SLC6A19: variants seen among roughly 807,000 people sequenced by gnomAD.
SLC6A19 encodes solute carrier family 6 member 19.
SLC6A19 carries 67 observed loss-of-function variants against 68.3 expected under a neutral mutation model. That is an observed-to-expected ratio of 0.98 (90% CI 0.81 to 1.20). The LOEUF (loss-of-function observed/expected upper bound fraction) is 1.20, where lower values mean the gene tolerates loss of function less well. SLC6A19 is among the 50% of genes most tolerant of loss of function. SLC6A19 has a pLI of 0.00. For missense variants in SLC6A19, 813 were observed against 851.6 expected (o/e 0.95, Z 0.56); for synonymous variants, 392 against 374.9 (o/e 1.05, Z -0.53).
Position 1,205,381 on chromosome 5 carries a change from C to T in SLC6A19, c.203-3365C>T, listed in dbSNP as rs112311574. On this transcript the variant is annotated intron_variant, in intron 1 of 11. Coordinates refer to ENST00000304460, the MANE Select transcript of SLC6A19 (RefSeq NM_001003841.3). ...GGACAGCCTCCTTCATTGGGAGCAA[C>T]GGAGGGCCTGGCTGCCTCCGGGCTG... 5.5e-3 allele frequency among the ~76,000 whole-genome samples: 840 copies of T among 152,358 alleles called. 14 individuals are homozygous for T. Among genetic ancestry groups the T allele is most frequent in the African/African-American group, 0.019 (791 of 41,570 alleles).
rs1746457084 is a variant in SLC6A19, at chr5:1,223,560, ACGGACAGG to A, written c.*1657_*1664del. 1.5e-5 allele frequency: 2 copies of A among 137,020 alleles called. No individual in the cohort carries two copies. Among genetic ancestry groups the A allele is most frequent in the African/African-American group, 2.5e-5 (1 of 40,212 alleles). 8.5% of individuals were successfully genotyped at this position (137,020 alleles called of 1,614,324 possible). On this transcript the variant is annotated 3_prime_UTR_variant, in exon 12 of 12. Coordinates refer to ENST00000304460, the MANE Select transcript of SLC6A19 (RefSeq NM_001003841.3). ...GTCGGCACTTGGGACATCTGCTTCC[ACGGACAGG>A]TCACCTCCGCTTTGCACGGAAGAAT...
chr5:1,218,059 C>G (rs924941167), intron 8 of SLC6A19, among the ~76,000 whole-genome samples: 5 of 152,248 alleles, frequency 3.3e-5, no homozygotes, highest in African/African-American at 1.2e-4. Context: ...CTCCTCCCAC[C>G]TCCTGCCCTG....
At chr5:1,221,432 C>G in intron 11 of SLC6A19, 119 bp downstream of exon 11, 1 of 1,278,588 alleles carries the variant, frequency 7.8e-7, no homozygotes, top group Non-Finnish European at 1.1e-6. Flanking sequence ...CATGGGCACA[C>G]ACACTCACAC....
At position 1,205,487 on chromosome 5, in the gene SLC6A19, G is replaced by T. The variant is rs10057356; in HGVS notation, c.203-3259G>T. Among the ~76,000 whole-genome samples, 367 of 152,316 alleles carry T rather than the reference G, an allele frequency of 2.4e-3. 3 individuals carry two copies. Among genetic ancestry groups the T allele is most frequent in the African/African-American group, 8.4e-3 (349 of 41,572 alleles). On this transcript the variant is annotated intron_variant, in intron 1 of 11. Coordinates refer to ENST00000304460, the MANE Select transcript of SLC6A19 (RefSeq NM_001003841.3). ...TCCATGCTGAGCCTGAGCCCCAGGG[G>T]TTGGGGATTTGAGGGTCTCCTGCCC...
intron 1 of SLC6A19, among the ~76,000 whole-genome samples, chr5:1,204,222 G>A (rs1046298858): frequency 5.9e-5 from 9 of 152,190 alleles, no homozygotes; most frequent in Non-Finnish European, 1.3e-4. Context: ...CCATTTACGC[G>A]TGCCTCCGAG....
intron 1 of SLC6A19, among the ~76,000 whole-genome samples, chr5:1,204,277 C>A (rs893988907): frequency 6.6e-6 from 1 of 152,176 alleles, no homozygotes; most frequent in East Asian, 1.9e-4. Context: ...AGAGCCTGTG[C>A]CAGGTGGGCA....
chr5:1,220,762 G>A (rs568231320), intron 10 of SLC6A19, among the ~76,000 whole-genome samples: 99 of 152,334 alleles, frequency 6.5e-4, no homozygotes, highest in Non-Finnish European at 1.2e-3. Context: ...GAATTGAGCC[G>A]TAGGGTGGGG....
chr5:1,211,483 G>T (rs1446720418), intron 3 of SLC6A19, among the ~76,000 whole-genome samples: 1 of 152,232 alleles, frequency 6.6e-6, no homozygotes, highest in African/African-American at 2.4e-5. Context: ...TGAGGCCCAG[G>T]GTGCACCTGA....
intron 1 of SLC6A19, among the ~76,000 whole-genome samples, chr5:1,204,725 G>C (rs12515126): frequency 3.9e-5 from 6 of 152,034 alleles, no homozygotes; most frequent in African/African-American, 1.4e-4. Flanking sequence ...GCGAGGTGGC[G>C]TGCGGGAGCC....
intron 9 of SLC6A19, 107 bp from the exon 10 acceptor site, chr5:1,219,398 G>A: frequency 2.0e-6 from 3 of 1,504,152 alleles, no homozygotes; most frequent in Non-Finnish European, 1.8e-6. Context: ...TGTGTGAACA[G>A]CTCTGTCCCT....
At position 1,213,019 on chromosome 5, in the gene SLC6A19, G is replaced by A. The variant is rs557032047; in HGVS notation, c.664-444G>A. On this transcript the variant is annotated intron_variant, in intron 4 of 11. Coordinates refer to ENST00000304460, the MANE Select transcript of SLC6A19 (RefSeq NM_001003841.3). ...AAATACCCAGGCTCCCGCAGGCCCT[G>A]CCCCCCATCCCCACCCATTCCACAT... Among the ~76,000 whole-genome samples, 330 of 92,448 alleles carry A rather than the reference G, an allele frequency of 3.6e-3. 2 individuals are homozygous for A. Among genetic ancestry groups the A allele is most frequent in the African/African-American group, 0.014 (307 of 21,974 alleles). 60.6% of individuals were successfully genotyped at this position (92,448 alleles called of 152,430 possible).
rs1477931985 is a variant in SLC6A19 at position 1,223,705 on chromosome 5, C to T, written c.*1801C>T. On this transcript the variant is annotated 3_prime_UTR_variant, in exon 12 of 12. Coordinates refer to ENST00000304460, the MANE Select transcript of SLC6A19 (RefSeq NM_001003841.3). ...TAAACTGGTGTTCTGAGAGTTCCTA[C>T]GGACAGGTCACCTCTGCTTTCCATA... The T allele has an allele frequency of 2.7e-5, 4 of 145,854 alleles. No individual in the cohort carries two copies. The highest frequency in any genetic ancestry group is 4.4e-5 in the Non-Finnish European group (3 of 68,018). 9.0% of individuals were successfully genotyped at this position (145,854 alleles called of 1,614,324 possible).
intron 11 of SLC6A19, 55 bp from the exon 12 acceptor site, chr5:1,221,646 A>C: frequency 1.2e-6 from 2 of 1,607,344 alleles, no homozygotes; most frequent in Admixed American, 3.3e-5. Flanking sequence ...TTTGCCTCAA[A>C]GTGAACCCCA....
Position 1,222,126 on chromosome 5 carries a change from T to C in SLC6A19, c.*222T>C. On this transcript the variant is annotated 3_prime_UTR_variant, in exon 12 of 12. Coordinates refer to ENST00000304460, the MANE Select transcript of SLC6A19 (RefSeq NM_001003841.3). ...GTGAGTGTGCACGTGTATGCACACATATACATGTGTGTGGGTGTGTGTATT... is the reference window on the plus strand; with the variant it reads ...GTGAGTGTGCACGTGTATGCACACACATACATGTGTGTGGGTGTGTGTATT... The C allele has an allele frequency of 1.6e-6, 1 of 609,584 alleles. No homozygotes were observed. Among genetic ancestry groups the C allele is most frequent in the Non-Finnish European group, 2.9e-6 (1 of 343,544 alleles). 37.8% of individuals were successfully genotyped at this position (609,584 alleles called of 1,614,324 possible). A position where few individuals can be genotyped will look rare whatever the true frequency, so the allele number is the denominator to read the frequency against.
intron 3 of SLC6A19, among the ~76,000 whole-genome samples, chr5:1,211,545 C>T (rs950291755): frequency 1.1e-4 from 17 of 152,206 alleles, no homozygotes; most frequent in African/African-American, 3.6e-4. Context: ...AATGTGTGCT[C>T]GTGTGCTCAC....
rs115111255 is a variant in SLC6A19 at position 1,208,705 on chromosome 5, C to T, written c.203-41C>T. 3.6e-3 allele frequency: 5,856 copies of T among 1,612,944 alleles called. 178 individuals carry two copies. In the African/African-American group the frequency reaches 0.068, roughly 19 times the overall value. On this transcript the variant is annotated intron_variant, in intron 1 of 11. Transcript: ENST00000304460. ...CCCGAGGGAGGCCTTCCTGCTCCCC[C>T]GGGAACGGCTCTCAGGCATGGTGGA...
chr5:1,217,108 G>T (rs6554665), intron 8 of SLC6A19, among the ~76,000 whole-genome samples, 163 bp downstream of exon 8: 1 of 152,094 alleles, frequency 6.6e-6, no homozygotes, highest in East Asian at 1.9e-4. Flanking sequence ...AGGGCTCTTC[G>T]GTCTGGGGCG....
rs367577633 is a variant in SLC6A19 at position 1,213,459 on chromosome 5, G to A, written c.664-4G>A. On this transcript the variant is annotated splice_polypyrimidine_tract_variant and splice_region_variant and intron_variant, in intron 4 of 11. Coordinates refer to ENST00000304460, the MANE Select transcript of SLC6A19 (RefSeq NM_001003841.3). Reference sequence around the variant, plus strand: ...GCCCATCCCACATGTCCCGCCCTCCGCAGGCCGTGTACATCACCTCCACGC... The same window carrying A: ...GCCCATCCCACATGTCCCGCCCTCCACAGGCCGTGTACATCACCTCCACGC... The A allele has an allele frequency of 3.7e-5, 48 of 1,309,216 alleles. No homozygotes were observed. Among genetic ancestry groups the A allele is most frequent in the African/African-American group, 1.5e-4 (8 of 53,170 alleles). The allele number at this position is 1,309,216 out of a possible 1,614,324, so 81.1% of individuals were successfully genotyped here.
rs143263507 is a variant in SLC6A19 at position 1,219,921 on chromosome 5, C to T, written c.1538+257C>T. The stretch of plus-strand genomic sequence containing the variant: ...CAGTGGAGCCCAGACCTTGGCGGTG[C>T]CCACGCAGAGAGCCAGAGCTCGAGG... On this transcript the variant is annotated intron_variant, in intron 10 of 11. Coordinates refer to ENST00000304460, the MANE Select transcript of SLC6A19 (RefSeq NM_001003841.3). 6.2e-3 allele frequency among the ~76,000 whole-genome samples: 946 copies of T among 152,284 alleles called. 13 individuals carry two copies. The highest frequency in any genetic ancestry group is 0.022 in the African/African-American group (910 of 41,574).
Sources: gnomAD v4.1 joint callset for allele counts (sites outside exome capture counted in the v4.1 genomes callset) on GRCh38, gnomAD v4.1.1 for gene constraint, MANE v1.5 for transcripts, NCBI Gene and HGNC (gene_info 2026-07-23, HGNC 2026-07-21) for gene names.